PPP2R1B: variants seen among roughly 807,000 people sequenced by gnomAD.
PPP2R1B encodes the protein protein phosphatase 2 scaffold subunit Abeta, also known as serine/threonine-protein phosphatase 2A 65 kDa regulatory subunit A beta isoform.
PPP2R1B carries 58 observed loss-of-function variants against 72.7 expected under a neutral mutation model. That is an observed-to-expected ratio of 0.80 (90% CI 0.65 to 0.99). The LOEUF is 0.99. Ranked by LOEUF, PPP2R1B falls within the 50% of genes least tolerant of loss-of-function variation. The pLI, the probability that PPP2R1B is intolerant of heterozygous loss-of-function variation, is 0.00. For missense variants in PPP2R1B, 695 were observed against 733.6 expected (o/e 0.95, Z 0.61); for synonymous variants, 256 against 264.6 (o/e 0.97, Z 0.32).
chr11:111,760,010 C>T, intron 4 of PPP2R1B, 59 bp from the exon 5 acceptor site: 1 of 1,534,766 alleles, frequency 6.5e-7, no homozygotes, highest in Non-Finnish European at 8.9e-7. Context: ...AACCTGCCCC[C>T]CATACACACA....
chr11:111,761,299 T>C (rs1327233119), intron 3 of PPP2R1B: 4 of 625,766 alleles, frequency 6.4e-6, no homozygotes, highest in Non-Finnish European at 1.2e-5. Context: ...TGTCTACAAA[T>C]GACACAGTGT....
the PPP2R1B span, among the ~76,000 whole-genome samples, chr11:111,709,304 C>G: frequency 6.6e-6 from 1 of 152,200 alleles, no homozygotes; most frequent in African/African-American, 2.4e-5. Flanking sequence ...CTCAGGACCT[C>G]ATTTAACCTT....
At position 111,741,478 on chromosome 11, in the gene PPP2R1B, G is replaced by GC. The variant is rs1299788796; in HGVS notation, c.*117dup. 2.0e-6 allele frequency: 3 copies of GC among 1,512,142 alleles called. No individual in the cohort carries two copies. The highest frequency in any genetic ancestry group is 2.6e-6 in the Non-Finnish European group (3 of 1,135,398). The allele number at this position is 1,512,142 out of a possible 1,614,324, so 93.7% of individuals were successfully genotyped here. A position where few individuals can be genotyped will look rare whatever the true frequency, so the allele number is the denominator to read the frequency against. ...ACTAAATGATTTCTTCTAAGTTGTT[G>GC]CCATTTGCTTGGATGAGATCTTGAA... is the stretch of plus-strand genomic sequence containing the variant. On this transcript the variant is annotated 3_prime_UTR_variant, in exon 15 of 15. Transcript: ENST00000527614.
chr11:111,755,306 T>C lies in PPP2R1B; in HGVS notation c.832A>G (p.Arg278Gly). The change falls in exon 6 of 15, where the codon AGA (arginine) becomes GGA (glycine). Residue 278 changes from arginine to glycine, a missense_variant. Coordinates refer to ENST00000527614, the MANE Select transcript of PPP2R1B (RefSeq NM_002716.5). ...AATGATCACTTTACCTCTGAAAATC[T>C]GTCAGCCACCATATAGCGAACGCGC... ...SWRVRYMVADRFSELQKAMGP... is the reference protein window; with the variant it reads ...SWRVRYMVADGFSELQKAMGP... 1 of 1,604,890 alleles carries C rather than the reference T, an allele frequency of 6.2e-7. No homozygotes were observed. The highest frequency in any genetic ancestry group is 2.2e-5 in the East Asian group (1 of 44,868).
intron 9 of PPP2R1B, 100 bp from the exon 10 acceptor site, chr11:111,752,432 T>TG: frequency 8.3e-7 from 1 of 1,211,006 alleles, no homozygotes; most frequent in East Asian, 2.6e-5. Context: ...AAGACTCAGG[T>TG]GAAAAAAAAA....
Position 111,752,968 on chromosome 11 carries a change from A to C in PPP2R1B, c.1164+475T>G, listed in dbSNP as rs967813949. Among the ~76,000 whole-genome samples, 13 of 100,224 alleles carry C rather than the reference A, an allele frequency of 1.3e-4. No homozygotes were observed. The South Asian group carries it at 1.3e-3, about 10-fold the overall frequency. The allele number at this position is 100,224 out of a possible 152,430, so 65.8% of individuals were successfully genotyped here. ...ACAGAGCAAGACTCCGTCTCAAAAA[A>C]CAAAACAAACAAACAAACAAACAAA... On this transcript the variant is annotated intron_variant, in intron 9 of 14. Transcript: ENST00000527614.
At chr11:111,723,688 T>C, downstream of PPP2R1B, 1 of 1,613,968 alleles carries the variant, frequency 6.2e-7, no homozygotes, top group East Asian at 2.2e-5. Flanking sequence ...TCCTGGAGCC[T>C]TCCTCCGAGC....
downstream of PPP2R1B, among the ~76,000 whole-genome samples, chr11:111,734,602 G>C (rs576866338): frequency 8.5e-5 from 13 of 152,360 alleles, no homozygotes; most frequent in South Asian, 2.7e-3. Context: ...CTTCCCCATG[G>C]ACTTCAAGGT....
the PPP2R1B span, among the ~76,000 whole-genome samples, chr11:111,694,688 A>T: frequency 6.6e-6 from 1 of 152,230 alleles, no homozygotes; most frequent in African/African-American, 2.4e-5. Context: ...GTAAAAAGTA[A>T]AAAGAGCTTT....
chr11:111,714,740 C>T, the PPP2R1B span, among the ~76,000 whole-genome samples: 1 of 152,172 alleles, frequency 6.6e-6, no homozygotes, highest in Non-Finnish European at 1.5e-5. Flanking sequence ...TAGCCCACAA[C>T]AGGCAGCTCA....
At chr11:111,719,875 T>A in the PPP2R1B span, 1 of 1,614,110 alleles carries the variant, frequency 6.2e-7, no homozygotes, top group South Asian at 1.1e-5. Context: ...GACGAAGGGC[T>A]GGAGACAGAA....
Position 111,759,261 on chromosome 11 carries a change from A to G in PPP2R1B, c.687+543T>C, listed in dbSNP as rs79429046. ...GTAAGGACTGAATTACTTAATACAC[A>G]TAACTACTTAAAGGCAGAGAAAAAT... On this transcript the variant is annotated intron_variant, in intron 5 of 14. Coordinates refer to ENST00000527614, the MANE Select transcript of PPP2R1B (RefSeq NM_002716.5). 3.1e-3 allele frequency among the ~76,000 whole-genome samples: 479 copies of G among 152,336 alleles called. 4 individuals carry two copies. The highest frequency in any genetic ancestry group is 0.011 in the African/African-American group (459 of 41,580).
At chr11:111,735,497 G>A (rs1944312867), downstream of PPP2R1B, among the ~76,000 whole-genome samples, 1 of 152,214 alleles carries the variant, frequency 6.6e-6, no homozygotes, top group African/African-American at 2.4e-5. Context: ...GTGAGCCGCT[G>A]CCGGACCCGC....
At position 111,738,085 on chromosome 11, in the gene PPP2R1B, C is replaced by T. The variant is rs1013124986; in HGVS notation, c.*3511G>A. On this transcript the variant is annotated 3_prime_UTR_variant, in exon 15 of 15. Transcript: ENST00000527614. ...GTACAGAGGACTGGAGGGAGACATG[C>T]GAGGGAAGAGGAAAGAGGAGAGTAA... The T allele has an allele frequency of 1.3e-5, 13 of 989,218 alleles. No individual in the cohort carries two copies. The highest frequency in any genetic ancestry group is 1.6e-5 in the Non-Finnish European group (13 of 832,016). The allele number at this position is 989,218 out of a possible 1,614,324, so 61.3% of individuals were successfully genotyped here.
intron 10 of PPP2R1B, among the ~76,000 whole-genome samples, chr11:111,748,613 G>C (rs1436303511): frequency 6.6e-6 from 1 of 152,196 alleles, no homozygotes; most frequent in African/African-American, 2.4e-5. Flanking sequence ...CCACTTCAGT[G>C]CAGGCTGGGG....
intron 1 of PPP2R1B, among the ~76,000 whole-genome samples, 168 bp from the exon 2 acceptor site, chr11:111,765,552 T>C (rs781766552): frequency 6.6e-6 from 1 of 152,096 alleles, no homozygotes; most frequent in Admixed American, 6.5e-5. Context: ...CAAAAAGAAG[T>C]GTAACTCGGC....
At chr11:111,690,600 T>C in the PPP2R1B span, among the ~76,000 whole-genome samples, 1 of 151,722 alleles carries the variant, frequency 6.6e-6, no homozygotes, top group Non-Finnish European at 1.5e-5. Flanking sequence ...CCTAAGGCTC[T>C]CCCTCCCCGC....
rs1555050730 is a variant in PPP2R1B at position 111,759,876 on chromosome 11, T to C, written c.615A>G (p.Ala205=). The change falls in exon 5 of 15, where the codon GCA becomes GCG. Residue 205 remains alanine, a synonymous_variant. Transcript: ENST00000527614. ...RAAASKLGEF[A]KVLELDSVKS... ...TCACACTGTCTAATTCCAAAACTTT[T>C]GCAAATTCACCCAATTTGGAAGCAG... 6.2e-7 allele frequency: 1 copy of C among 1,614,196 alleles called. No homozygotes were observed. Among genetic ancestry groups the C allele is most frequent in the Non-Finnish European group, 8.5e-7 (1 of 1,180,026 alleles).
chr11:111,760,015 C>T (rs1945268215), intron 4 of PPP2R1B, 64 bp from the exon 5 acceptor site: 14 of 1,507,046 alleles, frequency 9.3e-6, no homozygotes, highest in South Asian at 1.3e-5. Flanking sequence ...GCCCCCCATA[C>T]ACACAGACAG....
Sources: allele counts gnomAD v4.1 joint callset (sites outside exome capture counted in the v4.1 genomes callset), GRCh38; gene constraint gnomAD v4.1.1; transcripts MANE v1.5; gene names NCBI Gene and HGNC (gene_info 2026-07-23, HGNC 2026-07-21).